The following TERF1 variants were observed in gnomAD, a reference collection of about 807,000 sequenced individuals.
TERF1 encodes telomeric repeat binding factor 1.
In TERF1, 20 loss-of-function variants were observed where a neutral mutation model predicts 55.1. The observed-to-expected ratio is 0.36, with a 90% CI of 0.26 to 0.53. The LOEUF (loss-of-function observed/expected upper bound fraction) is 0.53, where lower values mean the gene tolerates loss of function less well. TERF1 is among the 20% of genes least tolerant of loss of function. The probability of loss-of-function intolerance (pLI) is 0.91; values close to 1 mark genes in which losing one functional copy is unlikely to be tolerated. For missense variants in TERF1, 439 were observed against 535.7 expected, an observed-to-expected ratio of 0.82 and a Z score of 1.78; for synonymous variants, 168 against 181.2, an observed-to-expected ratio of 0.93 and a Z score of 0.59.
At chr8:73,029,736 T>A (rs1025525816) in intron 6 of TERF1, among the ~76,000 whole-genome samples, 1 of 152,040 alleles carries the variant, frequency 6.6e-6, no homozygotes, top group African/African-American at 2.4e-5. Flanking sequence ...TTCATGGAGG[T>A]AGTAGTCTTG....
chr8:73,026,884 TA>T, intron 5 of TERF1, 55 bp from the exon 6 acceptor site: 2 of 1,318,538 alleles, frequency 1.5e-6, no homozygotes. Flanking sequence ...GCTATTTGTT[TA>T]AAATGGCTTA....
At chr8:73,020,433 G>A (rs1260072041) in intron 2 of TERF1, among the ~76,000 whole-genome samples, 2 of 152,014 alleles carry the variant, frequency 1.3e-5, no homozygotes, top group Non-Finnish European at 2.9e-5. Context: ...GTTTACTTTC[G>A]TTCTTAAAAT....
At chr8:73,019,584 G>T (rs2975851) in intron 2 of TERF1, among the ~76,000 whole-genome samples, 90,343 of 151,948 alleles carry the variant, frequency 0.59, 27,872 homozygotes, top group Middle Eastern at 0.76. Context: ...CACGCTGGAA[G>T]GCTGTGGTGT....
intron 4 of TERF1, among the ~76,000 whole-genome samples, chr8:73,024,137 A>G (rs983038464): frequency 6.6e-6 from 1 of 152,208 alleles, no homozygotes; most frequent in Non-Finnish European, 1.5e-5. Flanking sequence ...AATGCACAGA[A>G]GATAATGTAG....
intron 2 of TERF1, among the ~76,000 whole-genome samples, chr8:73,017,846 G>A (rs549888673): frequency 1.3e-5 from 2 of 152,002 alleles, no homozygotes; most frequent in Non-Finnish European, 2.9e-5. Flanking sequence ...GGGACTACAG[G>A]CGTGCGCCAC....
At chr8:73,017,970 A>C (rs1808590675) in intron 2 of TERF1, among the ~76,000 whole-genome samples, 1 of 152,114 alleles carries the variant, frequency 6.6e-6, no homozygotes, top group Non-Finnish European at 1.5e-5. Context: ...TGGCCTCCCA[A>C]AGTGCTGGGA....
intron 1 of TERF1, 47 bp downstream of exon 1, chr8:73,009,252 C>T (rs769191042): frequency 1.9e-6 from 3 of 1,566,422 alleles, no homozygotes; most frequent in Non-Finnish European, 2.6e-6. Context: ...GGGGCGGATG[C>T]GGGCTCCGTG....
In TERF1 at chr8:73,021,912, T is replaced by C. The variant is rs79263711; in HGVS notation, c.538-304T>C. ...TTAATATTTAGGTGGGTCCTAAATG[T>C]GTGTGGTATGGCTTCTAATTTATTT... On this transcript the variant is annotated intron_variant, in intron 3 of 9. Coordinates refer to ENST00000276603, the MANE Select transcript of TERF1 (RefSeq NM_017489.3). Among the ~76,000 whole-genome samples the C allele has an allele frequency of 0.012, 1,772 of 152,314 alleles. 76 individuals carry two copies. In the East Asian group the frequency reaches 0.12, roughly 11 times the overall value.
At chr8:73,024,011 C>T (rs979539906) in intron 4 of TERF1, among the ~76,000 whole-genome samples, 1 of 152,182 alleles carries the variant, frequency 6.6e-6, no homozygotes, top group African/African-American at 2.4e-5. Flanking sequence ...CAACAAAAAA[C>T]CAAGGCCTTC....
At chr8:73,029,928 G>C (rs1041071889) in intron 6 of TERF1, 1 of 153,906 alleles carries the variant, frequency 6.5e-6, no homozygotes, top group Non-Finnish European at 1.4e-5. Context: ...AGTTCAATTG[G>C]AGACTGGTGG....
chr8:73,032,867 C>T (rs563850683), intron 8 of TERF1, among the ~76,000 whole-genome samples: 2 of 151,882 alleles, frequency 1.3e-5, no homozygotes, highest in Non-Finnish European at 2.9e-5. Context: ...TGAACTGATA[C>T]TGAGATTTTT....
intron 7 of TERF1, chr8:73,031,391 T>G (rs1293597080): frequency 6.6e-6 from 1 of 152,292 alleles, no homozygotes; most frequent in Non-Finnish European, 1.5e-5. Flanking sequence ...AAAGGATGGC[T>G]GGTCACCTAG....
In TERF1 at chr8:73,045,728, A is replaced by G. The variant is rs55715270; in HGVS notation, c.1144-233A>G. On this transcript the variant is annotated intron_variant, in intron 9 of 9. Coordinates refer to ENST00000276603, the MANE Select transcript of TERF1 (RefSeq NM_017489.3). ...TTGACATGTAGCACTGCCACTTTCT[A>G]GCTATCTGATCTTGGGCAGCTGAGC... is the stretch of plus-strand genomic sequence containing the variant. Among the ~76,000 whole-genome samples the G allele has an allele frequency of 6.6e-5, 10 of 152,344 alleles. No individual in the cohort carries two copies. In the East Asian group the frequency reaches 1.9e-3, roughly 29 times the overall value.
intron 8 of TERF1, among the ~76,000 whole-genome samples, chr8:73,033,825 T>C (rs974779281): frequency 6.6e-6 from 1 of 152,222 alleles, no homozygotes; most frequent in African/African-American, 2.4e-5. Flanking sequence ...TAGCACATTT[T>C]ATTAGGTGTC....
intron 1 of TERF1, chr8:73,010,576 G>A (rs1271387602): frequency 6.6e-6 from 1 of 152,174 alleles, no homozygotes; most frequent in Non-Finnish European, 1.5e-5. Context: ...GTAACAATGA[G>A]TACACCTAGC....
intron 9 of TERF1, among the ~76,000 whole-genome samples, chr8:73,040,272 G>C (rs1346807093): frequency 6.6e-6 from 1 of 152,036 alleles, no homozygotes; most frequent in Non-Finnish European, 1.5e-5. Flanking sequence ...AGAGATTTAG[G>C]GGGTGTACCT....
chr8:73,012,106 C>T (rs997951588), intron 1 of TERF1: 1 of 152,150 alleles, frequency 6.6e-6, no homozygotes, highest in Non-Finnish European at 1.5e-5. Context: ...TAGAGTTACT[C>T]ATTGGCCTAA....
intron 8 of TERF1, among the ~76,000 whole-genome samples, chr8:73,037,653 A>T (rs1179019866): frequency 6.0e-4 from 41 of 68,124 alleles, no homozygotes; most frequent in Non-Finnish European, 8.7e-4. Context: ...AATATATATT[A>T]TATGTATAAT....
In TERF1 at chr8:73,013,977, A is replaced by G. The variant is rs1275278028; in HGVS notation, c.402A>G (p.Ala134=). 4 of 1,607,600 alleles carry G rather than the reference A, an allele frequency of 2.5e-6. No individual in the cohort carries two copies. The African/African-American group carries it at 4.0e-5, about 16-fold the overall frequency. ...GTCAGTTTTTGACAAGAATTGCAGCAGGAAAAACCCTTGGTAAATATGTTT... is the reference window on the plus strand; with the variant it reads ...GTCAGTTTTTGACAAGAATTGCAGCGGGAAAAACCCTTGGTAAATATGTTT... ...YICQFLTRIA[A]GKTLDAQFEN... is the part of the protein sequence containing the mutation. Residue 134 remains alanine (A), a synonymous_variant, in exon 2 of 10, where the codon GCA becomes GCG. Coordinates refer to ENST00000276603, the MANE Select transcript of TERF1 (RefSeq NM_017489.3).
Sources: allele counts gnomAD v4.1 joint callset (sites outside exome capture counted in the v4.1 genomes callset), GRCh38; gene constraint gnomAD v4.1.1; transcripts MANE v1.5; gene names NCBI Gene and HGNC (gene_info 2026-07-23, HGNC 2026-07-21).